CCDC85C: variants seen among roughly 807,000 people sequenced by gnomAD.
CCDC85C encodes the protein coiled-coil domain-containing protein 85C.
In CCDC85C, 18 loss-of-function variants were observed where a neutral mutation model predicts 38.3. The ratio of observed to expected loss-of-function variants is 0.47; its 90% CI spans 0.33 to 0.70. The LOEUF (loss-of-function observed/expected upper bound fraction) is 0.70, where lower values mean the gene tolerates loss of function less well. Ranked by LOEUF, CCDC85C falls within the 30% of genes least tolerant of loss-of-function variation. CCDC85C has a pLI of 0.03. For synonymous variants in CCDC85C, 264 were observed against 293.8 expected, an observed-to-expected ratio of 0.90 and a Z score of 1.04; for missense variants, 566 against 621.2, an observed-to-expected ratio of 0.91 and a Z score of 0.94.
rs1334976272 is a variant in CCDC85C at position 99,508,445 on chromosome 14, C to T, written c.*6801G>A. On this transcript the variant is annotated 3_prime_UTR_variant, in exon 6 of 6. Coordinates refer to ENST00000380243, the MANE Select transcript of CCDC85C (RefSeq NM_001144995.2). ...GAGGCCTCAGAGCTCTGCTCCCTCC[C>T]CCATTACAGATAGCCAGGAGTAGGC... is the stretch of plus-strand genomic sequence containing the variant. The T allele has an allele frequency of 1.3e-5, 2 of 152,452 alleles. No individual in the cohort carries two copies. Among genetic ancestry groups the T allele is most frequent in the Non-Finnish European group, 2.9e-5 (2 of 68,236 alleles). 9.4% of individuals were successfully genotyped at this position (152,452 alleles called of 1,614,324 possible). A position where few individuals can be genotyped will look rare whatever the true frequency, so the allele number is the denominator to read the frequency against.
At chr14:99,541,464 C>G (rs1897711754) in intron 1 of CCDC85C, among the ~76,000 whole-genome samples, 1 of 152,170 alleles carries the variant, frequency 6.6e-6, no homozygotes, top group Non-Finnish European at 1.5e-5. Flanking sequence ...TGGGTGCAGA[C>G]TGAGAGAGGA....
chr14:99,502,528 A>G lies in CCDC85C; in HGVS notation c.*12718T>C, dbSNP rs1896858662. On this transcript the variant is annotated 3_prime_UTR_variant, in exon 6 of 6. Transcript: ENST00000380243. ...TTAATTAAATTATCTAATAGTTTCC[A>G]CTTTGTCCAAACACATACTTTTGGT... is the stretch of plus-strand genomic sequence containing the variant. 7.5e-7 allele frequency: 1 copy of G among 1,337,692 alleles called. No individual in the cohort carries two copies. The highest frequency in any genetic ancestry group is 1.5e-5 in the African/African-American group (1 of 67,566). The allele number at this position is 1,337,692 out of a possible 1,614,324, so 82.9% of individuals were successfully genotyped here. A position where few individuals can be genotyped will look rare whatever the true frequency, so the allele number is the denominator to read the frequency against.
intron 1 of CCDC85C, among the ~76,000 whole-genome samples, chr14:99,577,827 C>A (rs1337864325): frequency 7.0e-6 from 1 of 142,568 alleles, no homozygotes; most frequent in Non-Finnish European, 1.5e-5. Flanking sequence ...ACATCACACC[C>A]ATACAGCCCG....
In CCDC85C at chr14:99,604,011, C is replaced by A; in HGVS notation, c.-52G>T. On this transcript the variant is annotated 5_prime_UTR_variant, in exon 1 of 6. Coordinates refer to ENST00000380243, the MANE Select transcript of CCDC85C (RefSeq NM_001144995.2). Reference sequence around the variant, plus strand: ...CTCGCCCTCGCCCGGCCGGCGCTTCCCCGCGCCGGGGCTCCGCTGGGCCGG... The same window carrying A: ...CTCGCCCTCGCCCGGCCGGCGCTTCACCGCGCCGGGGCTCCGCTGGGCCGG... The A allele has an allele frequency of 3.4e-5, 39 of 1,162,562 alleles. No homozygotes were observed. Among genetic ancestry groups the A allele is most frequent in the Non-Finnish European group, 4.0e-5 (38 of 945,052 alleles). 72.0% of individuals were successfully genotyped at this position (1,162,562 alleles called of 1,614,324 possible). A position where few individuals can be genotyped will look rare whatever the true frequency, so the allele number is the denominator to read the frequency against.
rs112391110 is a variant in CCDC85C, at chr14:99,528,010, G to A, written c.868-5770C>T. 5.0e-3 allele frequency among the ~76,000 whole-genome samples: 764 copies of A among 152,260 alleles called. 8 individuals carry two copies. The highest frequency in any genetic ancestry group is 0.017 in the African/African-American group (716 of 41,542). On this transcript the variant is annotated intron_variant, in intron 2 of 5. Coordinates refer to ENST00000380243, the MANE Select transcript of CCDC85C (RefSeq NM_001144995.2). Reference sequence around the variant, plus strand: ...ATTATTTTGCAAAACTGGAAGTTTCGCCAGTAATGCCAGCTCGAGGAGAGG... The same window carrying A: ...ATTATTTTGCAAAACTGGAAGTTTCACCAGTAATGCCAGCTCGAGGAGAGG...
intron 1 of CCDC85C, among the ~76,000 whole-genome samples, chr14:99,550,979 C>G (rs1403274496): frequency 2.0e-5 from 3 of 152,264 alleles, no homozygotes; most frequent in African/African-American, 7.2e-5. Flanking sequence ...TCACTGCCAA[C>G]ATTACCCAGT....
chr14:99,508,841 G>C lies in CCDC85C; in HGVS notation c.*6405C>G, dbSNP rs3918116. On this transcript the variant is annotated 3_prime_UTR_variant, in exon 6 of 6. Coordinates refer to ENST00000380243, the MANE Select transcript of CCDC85C (RefSeq NM_001144995.2). ...TTCTGCAAGGTGGAGGAGCAGGCCT[G>C]TGGGCCCAGGTGGCTGTGGAGTGAC... 0.021 allele frequency: 3,249 copies of C among 152,574 alleles called. 44 individuals carry two copies. The highest frequency in any genetic ancestry group is 0.03 in the Non-Finnish European group (2,029 of 68,230). The allele number at this position is 152,574 out of a possible 1,614,324, so 9.5% of individuals were successfully genotyped here. A position where few individuals can be genotyped will look rare whatever the true frequency, so the allele number is the denominator to read the frequency against.
chr14:99,527,276 C>T (rs1321871699), intron 2 of CCDC85C, among the ~76,000 whole-genome samples: 2 of 152,180 alleles, frequency 1.3e-5, no homozygotes, highest in African/African-American at 4.8e-5. Context: ...CACCTCCCAG[C>T]CCAAGCCCAG....
intron 1 of CCDC85C, among the ~76,000 whole-genome samples, chr14:99,551,224 G>C (rs1389948545): frequency 6.6e-6 from 1 of 152,178 alleles, no homozygotes; most frequent in Non-Finnish European, 1.5e-5. Flanking sequence ...CGGAGCACTG[G>C]GGCTGGACAG....
Position 99,506,969 on chromosome 14 carries a change from C to CT in CCDC85C, c.*8276dup. ...AGTTCCCTTAAAGCCTTGGTCATCT[C>CT]TGTTGTTTTTCTCCCAAAGAAATCT... On this transcript the variant is annotated 3_prime_UTR_variant, in exon 6 of 6. Transcript: ENST00000380243. 1.3e-6 allele frequency: 1 copy of CT among 788,398 alleles called. No individual in the cohort carries two copies. Among genetic ancestry groups the CT allele is most frequent in the South Asian group, 1.4e-5 (1 of 73,834 alleles). The allele number at this position is 788,398 out of a possible 1,614,324, so 48.8% of individuals were successfully genotyped here.
At chr14:99,532,590 C>T (rs796829180) in intron 2 of CCDC85C, among the ~76,000 whole-genome samples, 5 of 152,098 alleles carry the variant, frequency 3.3e-5, no homozygotes, top group Admixed American at 6.5e-5. Flanking sequence ...AAAAAGCTGG[C>T]GCCACTGAAG....
Position 99,504,067 on chromosome 14 carries a change from C to T in CCDC85C, c.*11179G>A. The stretch of plus-strand genomic sequence containing the variant: ...GCACCAGCCCGGCCCAGCCCAGCTG[C>T]CCTTGCAGGCAAGGCCTCTTTGAAA... On this transcript the variant is annotated 3_prime_UTR_variant, in exon 6 of 6. Transcript: ENST00000380243. 1 of 383,388 alleles carries T rather than the reference C, an allele frequency of 2.6e-6. No individual in the cohort carries two copies. The highest frequency in any genetic ancestry group is 1.9e-5 in the South Asian group (1 of 53,230). The allele number at this position is 383,388 out of a possible 1,614,324, so 23.7% of individuals were successfully genotyped here.
rs1283831103 is a variant in CCDC85C at position 99,509,768 on chromosome 14, G to A, written c.*5478C>T. ...TGCAAAATGCCACTGCTGCAGACAG[G>A]AGTTCAGTGTGGCCCTGACCCCTGG... is the stretch of plus-strand genomic sequence containing the variant. On this transcript the variant is annotated 3_prime_UTR_variant, in exon 6 of 6. Coordinates refer to ENST00000380243, the MANE Select transcript of CCDC85C (RefSeq NM_001144995.2). The A allele has an allele frequency of 4.0e-6, 1 of 252,112 alleles. No individual in the cohort carries two copies. Among genetic ancestry groups the A allele is most frequent in the African/African-American group, 2.3e-5 (1 of 44,388 alleles). 15.6% of individuals were successfully genotyped at this position (252,112 alleles called of 1,614,324 possible).
At position 99,502,435 on chromosome 14, in the gene CCDC85C, G is replaced by GTGTA. The variant is rs1896855970; in HGVS notation, c.*12807_*12810dup. 9 of 1,571,348 alleles carry GTGTA rather than the reference G, an allele frequency of 5.7e-6. No homozygotes were observed. Among genetic ancestry groups the GTGTA allele is most frequent in the Non-Finnish European group, 7.8e-6 (9 of 1,159,470 alleles). The stretch of plus-strand genomic sequence containing the variant: ...TTCCATGTTGAGATGATTCTTCCAT[G>GTGTA]TGTACCCTGAGTCCCAAGAATGGAT... On this transcript the variant is annotated 3_prime_UTR_variant, in exon 6 of 6. Transcript: ENST00000380243.
chr14:99,525,691 G>A (rs1045292037), intron 2 of CCDC85C, among the ~76,000 whole-genome samples: 2 of 152,236 alleles, frequency 1.3e-5, no homozygotes, highest in African/African-American at 2.4e-5. Context: ...GGTGGAGGCA[G>A]GCACTGAAGA....
chr14:99,572,859 C>G lies in CCDC85C; in HGVS notation c.793+30308G>C. On this transcript the variant is annotated intron_variant, in intron 1 of 5. Transcript: ENST00000380243. The surrounding 1 kb of genome is among the most constrained non-coding windows in gnomAD (Gnocchi z 4.4). ...TGGTGTGCAACAGGTGCTCAGTAAACGGCTAAGGAAGGAATGTCTGCCCAA... is the reference window on the plus strand; with the variant it reads ...TGGTGTGCAACAGGTGCTCAGTAAAGGGCTAAGGAAGGAATGTCTGCCCAA... 1 of 455,722 alleles carries G rather than the reference C, an allele frequency of 2.2e-6. No individual in the cohort carries two copies. The highest frequency in any genetic ancestry group is 4.4e-6 in the Non-Finnish European group (1 of 226,550). The allele number at this position is 455,722 out of a possible 1,614,324, so 28.2% of individuals were successfully genotyped here.
At chr14:99,543,878 C>T (rs74326955) in intron 1 of CCDC85C, among the ~76,000 whole-genome samples, 2,894 of 152,284 alleles carry the variant, frequency 0.019, 99 homozygotes, top group African/African-American at 0.067. Flanking sequence ...GCGGTGGCTG[C>T]ATGGAGCCAG....
In CCDC85C at chr14:99,510,198, C is replaced by T. The variant is rs1344031784; in HGVS notation, c.*5048G>A. 3 of 1,596,968 alleles carry T rather than the reference C, an allele frequency of 1.9e-6. No individual in the cohort carries two copies. The highest frequency in any genetic ancestry group is 1.1e-5 in the South Asian group (1 of 88,644). On this transcript the variant is annotated 3_prime_UTR_variant, in exon 6 of 6. Coordinates refer to ENST00000380243, the MANE Select transcript of CCDC85C (RefSeq NM_001144995.2). ...CGCTGCTGCCTTAGGTGAGGCTGAG[C>T]CGCCGGGCCCTGTGGATGCCACTGA...
At position 99,510,860 on chromosome 14, in the gene CCDC85C, G is replaced by A; in HGVS notation, c.*4386C>T. 2 of 1,245,676 alleles carry A rather than the reference G, an allele frequency of 1.6e-6. No homozygotes were observed. The highest frequency in any genetic ancestry group is 3.6e-5 in the Admixed American group (1 of 27,848). 77.2% of individuals were successfully genotyped at this position (1,245,676 alleles called of 1,614,324 possible). ...GCAGAGTAGTTGAAGTGGGTAAGCA[G>A]CAGGGTACCTTGTATAATGCACGAC... On this transcript the variant is annotated 3_prime_UTR_variant, in exon 6 of 6. Coordinates refer to ENST00000380243, the MANE Select transcript of CCDC85C (RefSeq NM_001144995.2).
Sources: gnomAD v4.1 joint callset for allele counts (sites outside exome capture counted in the v4.1 genomes callset) on GRCh38, gnomAD v4.1.1 for gene constraint, Gnocchi (gnomAD v3.1) non-coding constraint, MANE v1.5 for transcripts, NCBI Gene and HGNC (gene_info 2026-07-23, HGNC 2026-07-21) for gene names.